SEC11C: variants seen among roughly 807,000 people sequenced by gnomAD.
SEC11C encodes the protein signal peptidase complex catalytic subunit SEC11C.
SEC11C carries 10 observed loss-of-function variants against 21.9 expected under a neutral mutation model. The ratio of observed to expected loss-of-function variants is 0.46; its 90% confidence interval spans 0.28 to 0.77. The LOEUF is 0.77. Ranked by LOEUF, SEC11C falls within the 30% of genes least tolerant of loss-of-function variation. SEC11C has a pLI of 0.12. For missense variants in SEC11C, 145 were observed against 244.5 expected (o/e 0.59, Z 2.71); for synonymous variants, 83 against 85.6 (o/e 0.97, Z 0.17).
chr18:59,155,583 T>G, intron 3 of SEC11C, 105 bp from the exon 4 acceptor site: 1 of 1,243,270 alleles, frequency 8.0e-7, no homozygotes, highest in Non-Finnish European at 1.1e-6. Context: ...TTGACTGTTT[T>G]TCTAAATGCT....
In SEC11C at chr18:59,157,660, T is replaced by G; in HGVS notation, c.520T>G (p.Phe174Val). 1 of 1,596,476 alleles carries G rather than the reference T, an allele frequency of 6.3e-7. No homozygotes were observed. The highest frequency in any genetic ancestry group is 8.6e-7 in the Non-Finnish European group (1 of 1,164,196). ...CATAATAATGAATGACTATCCAAAA[T>G]TCAAGGTAGGAATTTATGTGTGTCT... Reference protein sequence around the residue: ...VTIIMNDYPKFKYALLAVMGA... With the variant: ...VTIIMNDYPKVKYALLAVMGA... The change falls in exon 5 of 6, where the codon TTC (phenylalanine) becomes GTC (valine). Residue 174 changes from phenylalanine to valine, a missense_variant. Physicochemically the swap from Phe to Val is conservative, Grantham distance 50 (BLOSUM62 -1). Transcript: ENST00000587834.
intron 1 of SEC11C, chr18:59,147,302 A>C (rs2069288023): frequency 6.6e-6 from 1 of 152,224 alleles, no homozygotes; most frequent in South Asian, 2.1e-4. Context: ...TAGTTGAGGA[A>C]AATGATGTTG....
chr18:59,146,551 C>T (rs111956635), intron 1 of SEC11C, among the ~76,000 whole-genome samples: 7 of 151,980 alleles, frequency 4.6e-5, no homozygotes, highest in African/African-American at 1.4e-4. Context: ...GCTGAGGGTT[C>T]GAAGAAATGA....
intron 1 of SEC11C, 89 bp from the exon 2 acceptor site, chr18:59,149,423 GA>G: frequency 2.5e-6 from 2 of 813,552 alleles, no homozygotes; most frequent in Non-Finnish European, 2.1e-6. Flanking sequence ...TCATGTCTTT[GA>G]AAAAGTTTGA....
Position 59,158,716 on chromosome 18 carries a change from A to G in SEC11C, c.*31A>G. 1 of 1,571,874 alleles carries G rather than the reference A, an allele frequency of 6.4e-7. No homozygotes were observed. Among genetic ancestry groups the G allele is most frequent in the East Asian group, 2.2e-5 (1 of 44,652 alleles). ...GAAGCAGTTCCTGGGACCAGATTGA[A>G]ATGAATTCTGTTGAAAAAGAGAAAA... On this transcript the variant is annotated 3_prime_UTR_variant, in exon 6 of 6. Transcript: ENST00000587834.
intron 1 of SEC11C, among the ~76,000 whole-genome samples, chr18:59,143,863 T>TTTTCTTTTTTC (rs1568063539): frequency 2.0e-5 from 3 of 151,878 alleles, no homozygotes; most frequent in South Asian, 2.1e-4. Flanking sequence ...TTCTTTTTTT[T>TTTTCTTTTTTC]TTTTTTGAGA....
intron 2 of SEC11C, 72 bp from the exon 3 acceptor site, chr18:59,152,464 C>T (rs2069368185): frequency 1.4e-6 from 2 of 1,462,850 alleles, no homozygotes; most frequent in Admixed American, 2.5e-5. Flanking sequence ...TGAGTTTCAC[C>T]TCTGACATGT....
In SEC11C at chr18:59,157,531, C is replaced by G. The variant is rs1048756327; in HGVS notation, c.468-77C>G. 1.2e-5 allele frequency: 12 copies of G among 960,558 alleles called. No individual in the cohort carries two copies. The African/African-American group carries it at 1.8e-4, about 14-fold the overall frequency. 59.5% of individuals were successfully genotyped at this position (960,558 alleles called of 1,614,324 possible). A position where few individuals can be genotyped will look rare whatever the true frequency, so the allele number is the denominator to read the frequency against. ...GTACAATTCATTTCTTAAGACTGAT[C>G]TATAGTGTTTTCAGATGTTGCCATC... On this transcript the variant is annotated intron_variant, in intron 4 of 5. Coordinates refer to ENST00000587834, the MANE Select transcript of SEC11C (RefSeq NM_033280.4).
At chr18:59,142,592 A>AT (rs1486816851) in intron 1 of SEC11C, among the ~76,000 whole-genome samples, 1 of 152,138 alleles carries the variant, frequency 6.6e-6, no homozygotes, top group Non-Finnish European at 1.5e-5. Context: ...TGTAAGGCTG[A>AT]TTTTACTTTA....
At chr18:59,152,028 T>C (rs1007782747) in intron 2 of SEC11C, among the ~76,000 whole-genome samples, 1 of 152,204 alleles carries the variant, frequency 6.6e-6, no homozygotes, top group East Asian at 1.9e-4. Flanking sequence ...GCAAAAGACT[T>C]GGGTTCCGGT....
At chr18:59,149,748 A>T (rs940488950) in intron 2 of SEC11C, 126 bp downstream of exon 2, 10 of 521,866 alleles carry the variant, frequency 1.9e-5, no homozygotes, top group Non-Finnish European at 3.5e-6. Flanking sequence ...AATTGGATAA[A>T]TTATTAGTCT....
chr18:59,142,130 A>G (rs1314559236), intron 1 of SEC11C, among the ~76,000 whole-genome samples: 2 of 152,168 alleles, frequency 1.3e-5, no homozygotes, highest in African/African-American at 2.4e-5. Flanking sequence ...CCAGGATTTT[A>G]TGCCTAGAAT....
chr18:59,143,352 C>CAAAAAAAAA (rs36204971), intron 1 of SEC11C, among the ~76,000 whole-genome samples: 2 of 111,194 alleles, frequency 1.8e-5, no homozygotes, highest in African/African-American at 6.1e-5. Flanking sequence ...GACTCCATTT[C>CAAAAAAAAA]AAAAAAAAAA....
intron 2 of SEC11C, 42 bp downstream of exon 2, chr18:59,149,664 C>T (rs779722074): frequency 2.2e-6 from 3 of 1,337,558 alleles, no homozygotes; most frequent in African/African-American, 2.9e-5. Context: ...ACCTCCATCA[C>T]AAGGCTGCCT....
At chr18:59,155,599 C>CA in intron 3 of SEC11C, 89 bp from the exon 4 acceptor site, 1 of 1,391,636 alleles carries the variant, frequency 7.2e-7, no homozygotes, top group Non-Finnish European at 9.9e-7. Flanking sequence ...ATGCTCCTGT[C>CA]TGACAGTAAA....
At chr18:59,151,747 A>T (rs1009641040) in intron 2 of SEC11C, among the ~76,000 whole-genome samples, 4 of 151,914 alleles carry the variant, frequency 2.6e-5, no homozygotes, top group African/African-American at 9.7e-5. Context: ...AGCAGCCATT[A>T]CTCATCCTTG....
intron 4 of SEC11C, chr18:59,156,594 C>T (rs1481914167): frequency 2.0e-5 from 3 of 152,328 alleles, no homozygotes; most frequent in Non-Finnish European, 4.4e-5. Context: ...GCAATGAGTT[C>T]TGCTTCTGAT....
chr18:59,143,900 G>A (rs2069241088), intron 1 of SEC11C, among the ~76,000 whole-genome samples: 1 of 148,870 alleles, frequency 6.7e-6, no homozygotes, highest in African/African-American at 2.5e-5. Flanking sequence ...CACCCAGGCT[G>A]GAGTGCAGTG....
At chr18:59,149,454 A>G in intron 1 of SEC11C, 59 bp from the exon 2 acceptor site, 1 of 1,122,780 alleles carries the variant, frequency 8.9e-7, no homozygotes, top group Non-Finnish European at 1.3e-6. Flanking sequence ...CTCCAGCTTC[A>G]CAGGTTGGTG....
Sources: allele counts gnomAD v4.1 joint callset (sites outside exome capture counted in the v4.1 genomes callset), GRCh38; gene constraint gnomAD v4.1.1; transcripts MANE v1.5; gene names NCBI Gene and HGNC (gene_info 2026-07-23, HGNC 2026-07-21).